ELOVL4: variants seen among roughly 807,000 people sequenced by gnomAD.
ELOVL4 encodes the protein very long chain fatty acid elongase 4.
In ELOVL4, 18 loss-of-function variants were observed where a neutral mutation model predicts 42.1. That is an observed-to-expected ratio of 0.43 (90% CI 0.30 to 0.63). ELOVL4 has a LOEUF of 0.63. Among genes scored for constraint, ELOVL4 ranks in the 30% least tolerant of loss-of-function variants. The probability of loss-of-function intolerance (pLI) is 0.15; values close to 1 mark genes in which losing one functional copy is unlikely to be tolerated. For missense variants in ELOVL4, 299 were observed against 376.2 expected (o/e 0.79, Z 1.70); for synonymous variants, 117 against 127.0 (o/e 0.92, Z 0.53).
At chr6:79,925,575 G>A (rs1032827562) in intron 2 of ELOVL4, among the ~76,000 whole-genome samples, 1 of 152,030 alleles carries the variant, frequency 6.6e-6, no homozygotes, top group Admixed American at 6.6e-5. Flanking sequence ...TTATACATAT[G>A]CAATTTAAAA....
intron 1 of ELOVL4, among the ~76,000 whole-genome samples, chr6:79,928,732 T>G (rs1020008232): frequency 1.0e-4 from 14 of 135,384 alleles, no homozygotes; most frequent in African/African-American, 3.6e-4. Flanking sequence ...ACTGGGTTTT[T>G]TTTTTTTTTT....
chr6:79,928,734 T>TTTTG (rs1194197328), intron 1 of ELOVL4, among the ~76,000 whole-genome samples: 32 of 137,448 alleles, frequency 2.3e-4, no homozygotes, highest in African/African-American at 9.2e-4. Context: ...TGGGTTTTTT[T>TTTTG]TTTTTTTTTT....
intron 1 of ELOVL4, among the ~76,000 whole-genome samples, chr6:79,935,701 A>C (rs1259596479): frequency 1.3e-5 from 2 of 152,252 alleles, no homozygotes; most frequent in African/African-American, 4.8e-5. Flanking sequence ...ATACGGTTCC[A>C]GAAGACACAC....
intron 3 of ELOVL4, among the ~76,000 whole-genome samples, chr6:79,922,402 T>C (rs1451909871): frequency 1.3e-5 from 2 of 152,196 alleles, no homozygotes; most frequent in African/African-American, 4.8e-5. Flanking sequence ...TCCCAGGTCA[T>C]AAATATAATC....
At chr6:79,925,809 T>C (rs1256356772) in intron 2 of ELOVL4, among the ~76,000 whole-genome samples, 2 of 152,200 alleles carry the variant, frequency 1.3e-5, no homozygotes, top group African/African-American at 2.4e-5. Context: ...TATAAATAAA[T>C]AGCTGCTACT....
Position 79,915,999 on chromosome 6 carries a change from C to T in ELOVL4, c.*609G>A, listed in dbSNP as rs41270555. On this transcript the variant is annotated 3_prime_UTR_variant, in exon 6 of 6. Coordinates refer to ENST00000369816, the MANE Select transcript of ELOVL4 (RefSeq NM_022726.4). ...CTTTACTGCAATTCTTTCTTATTTT[C>T]ACCAACACCATCATCATCAAGCCTC... is the stretch of plus-strand genomic sequence containing the variant. 4,897 of 152,968 alleles carry T rather than the reference C, an allele frequency of 0.032. 109 individuals are homozygous for T. Among genetic ancestry groups the T allele is most frequent in the Middle Eastern group, 0.061 (18 of 294 alleles). 9.5% of individuals were successfully genotyped at this position (152,968 alleles called of 1,614,324 possible).
intron 1 of ELOVL4, among the ~76,000 whole-genome samples, chr6:79,929,520 C>T (rs904490408): frequency 1.3e-5 from 2 of 152,008 alleles, no homozygotes; most frequent in South Asian, 2.1e-4. Flanking sequence ...GGATTACAGG[C>T]GTGAGCCACC....
chr6:79,930,819 C>A (rs1774430308), intron 1 of ELOVL4, among the ~76,000 whole-genome samples: 1 of 152,110 alleles, frequency 6.6e-6, no homozygotes, highest in South Asian at 2.1e-4. Context: ...TAAATCCTCT[C>A]ATTTGGGCTA....
chr6:79,937,615 A>G (rs1774567175), intron 1 of ELOVL4, among the ~76,000 whole-genome samples: 1 of 151,770 alleles, frequency 6.6e-6, no homozygotes, highest in Non-Finnish European at 1.5e-5. Context: ...AGTGCCTGAC[A>G]CTTAGTAAGC....
At chr6:79,934,726 C>G (rs1440976297) in intron 1 of ELOVL4, among the ~76,000 whole-genome samples, 1 of 152,092 alleles carries the variant, frequency 6.6e-6, no homozygotes, top group African/African-American at 2.4e-5. Flanking sequence ...TTACTTAGTG[C>G]CCCTGGCCTT....
intron 1 of ELOVL4, among the ~76,000 whole-genome samples, chr6:79,927,235 T>G (rs562907192): frequency 7.9e-5 from 12 of 152,200 alleles, no homozygotes; most frequent in Non-Finnish European, 1.6e-4. Context: ...AAAATTCATC[T>G]TTTAACACAT....
chr6:79,928,435 A>C (rs1774381825), intron 1 of ELOVL4, among the ~76,000 whole-genome samples: 1 of 152,156 alleles, frequency 6.6e-6, no homozygotes. Context: ...GTAGAAAAAA[A>C]AAATTAAAGA....
intron 1 of ELOVL4, among the ~76,000 whole-genome samples, chr6:79,933,975 C>G (rs1375560051): frequency 6.6e-6 from 1 of 152,214 alleles, no homozygotes; most frequent in Non-Finnish European, 1.5e-5. Context: ...GCAACACAGA[C>G]AGTGAAGTCA....
intron 1 of ELOVL4, among the ~76,000 whole-genome samples, chr6:79,932,496 A>T (rs2127700621): frequency 6.6e-6 from 1 of 151,956 alleles, no homozygotes; most frequent in African/African-American, 2.4e-5. Context: ...AGTGAACTGG[A>T]ATCACGCACT....
chr6:79,945,846 T>C (rs1406587670), intron 1 of ELOVL4, among the ~76,000 whole-genome samples: 1 of 152,098 alleles, frequency 6.6e-6, no homozygotes, highest in Non-Finnish European at 1.5e-5. Flanking sequence ...CTTTTAACCA[T>C]TTTCAGCTGT....
intron 2 of ELOVL4, among the ~76,000 whole-genome samples, chr6:79,925,745 T>G (rs1774332027): frequency 6.6e-6 from 1 of 152,206 alleles, no homozygotes. Flanking sequence ...TAGGATTTAC[T>G]TGAAATTGGC....
chr6:79,917,181 T>TA (rs1774177775), intron 5 of ELOVL4, among the ~76,000 whole-genome samples: 2 of 152,164 alleles, frequency 1.3e-5, no homozygotes, highest in African/African-American at 4.8e-5. Flanking sequence ...CTGTATTTGT[T>TA]ATTTCTTTAT....
At chr6:79,930,561 CAT>C (rs1774426012) in intron 1 of ELOVL4, among the ~76,000 whole-genome samples, 1 of 152,058 alleles carries the variant, frequency 6.6e-6, no homozygotes, top group African/African-American at 2.4e-5. Context: ...ATATTTCTTT[CAT>C]ATGTTTCCTT....
intron 1 of ELOVL4, among the ~76,000 whole-genome samples, chr6:79,945,224 G>C (rs559663084): frequency 1.9e-4 from 29 of 152,180 alleles, no homozygotes; most frequent in African/African-American, 6.3e-4. Flanking sequence ...CTCAGGTTTC[G>C]TAAGTGGATA....
Sources: allele counts gnomAD v4.1 joint callset (sites outside exome capture counted in the v4.1 genomes callset), GRCh38; gene constraint gnomAD v4.1.1; transcripts MANE v1.5; gene names NCBI Gene and HGNC (gene_info 2026-07-23, HGNC 2026-07-21).